SLC7A14: variants seen among roughly 807,000 people sequenced by gnomAD.
SLC7A14 encodes the protein gamma-aminobutyric acid transporter SLC7A14.
Under a neutral mutation model 60.2 loss-of-function variants are expected in SLC7A14, and 37 were observed. That is an observed-to-expected ratio of 0.61 (90% CI 0.47 to 0.81). SLC7A14 has a LOEUF of 0.81. Among genes scored for constraint, SLC7A14 ranks in the 30% least tolerant of loss-of-function variants. The probability of loss-of-function intolerance (pLI) is 0.00; values close to 1 mark genes in which losing one functional copy is unlikely to be tolerated. For synonymous variants in SLC7A14, 399 were observed against 395.8 expected (o/e 1.01, Z -0.10); for missense variants, 886 against 982.7 (o/e 0.90, Z 1.32).
chr3:170,543,802 T>G (rs1401184393), intron 1 of SLC7A14, among the ~76,000 whole-genome samples: 3 of 145,960 alleles, frequency 2.1e-5, no homozygotes, highest in African/African-American at 5.1e-5. Context: ...CAGGCTGGAG[T>G]GCAGTGGTGT....
chr3:170,541,722 G>A (rs1714021688), intron 1 of SLC7A14, among the ~76,000 whole-genome samples: 5 of 152,134 alleles, frequency 3.3e-5, no homozygotes, highest in Admixed American at 2.0e-4. Flanking sequence ...TAAAAATGGG[G>A]AATCTATGAG....
chr3:170,501,227 C>T lies in SLC7A14; in HGVS notation c.423G>A (p.Leu141=). ...VAFFIGWNLI[L]EYLIGTAAGA... ...CGGCCGCAGTGCCAATCAGGTACTC[C>T]AGGATCAGGTTCCAGCCAATGAAAA... Residue 141 remains leucine, a synonymous_variant, in exon 3 of 8, where the codon CTG becomes CTA. Transcript: ENST00000231706. 6.2e-7 allele frequency: 1 copy of T among 1,614,220 alleles called. No homozygotes were observed. Among genetic ancestry groups the T allele is most frequent in the Admixed American group, 1.7e-5 (1 of 60,028 alleles).
intron 1 of SLC7A14, among the ~76,000 whole-genome samples, chr3:170,555,866 T>C (rs181331051): frequency 5.9e-5 from 9 of 152,346 alleles, no homozygotes; most frequent in Admixed American, 5.9e-4. Flanking sequence ...ACATTTAGTT[T>C]TCTATCAAAT....
At chr3:170,471,056 T>C (rs1739886823) in intron 7 of SLC7A14, among the ~76,000 whole-genome samples, 3 of 151,578 alleles carry the variant, frequency 2.0e-5, no homozygotes, top group Admixed American at 2.0e-4. Context: ...AGTATCTTGT[T>C]TTGTTTAGAC....
chr3:170,577,505 C>T (rs1271454096), intron 1 of SLC7A14, among the ~76,000 whole-genome samples: 3 of 151,402 alleles, frequency 2.0e-5, no homozygotes, highest in Non-Finnish European at 4.4e-5. Flanking sequence ...GTAGTCCCAG[C>T]TACTCGGGAG....
At chr3:170,512,751 C>T (rs969516686) in intron 2 of SLC7A14, among the ~76,000 whole-genome samples, 2 of 145,278 alleles carry the variant, frequency 1.4e-5, no homozygotes, top group African/African-American at 5.0e-5. Context: ...GCAAGCTCCG[C>T]CTCCCGGGTT....
At chr3:170,566,910 A>T (rs1322406877) in intron 1 of SLC7A14, among the ~76,000 whole-genome samples, 2 of 152,022 alleles carry the variant, frequency 1.3e-5, no homozygotes, top group Non-Finnish European at 2.9e-5. Flanking sequence ...GTTGAAATAG[A>T]CCACCCTGAG....
chr3:170,575,456 T>C (rs1204292883), intron 1 of SLC7A14, among the ~76,000 whole-genome samples: 3 of 152,218 alleles, frequency 2.0e-5, no homozygotes, highest in Non-Finnish European at 4.4e-5. Flanking sequence ...AAGAGAATGC[T>C]GTATGTAGAA....
At chr3:170,567,513 G>A (rs916054825) in intron 1 of SLC7A14, among the ~76,000 whole-genome samples, 20 of 151,706 alleles carry the variant, frequency 1.3e-4, no homozygotes, top group Admixed American at 1.2e-3. Flanking sequence ...TAGGCCTTTG[G>A]GTATATACCC....
intron 5 of SLC7A14, among the ~76,000 whole-genome samples, chr3:170,485,034 C>A (rs545951699): frequency 1.1e-4 from 16 of 152,006 alleles, no homozygotes; most frequent in Non-Finnish European, 2.2e-4. Context: ...GGAGGAAGGG[C>A]GGGAATGAAG....
chr3:170,486,110 G>GA (rs1259453265), intron 5 of SLC7A14, 112 bp downstream of exon 5: 27 of 1,381,702 alleles, frequency 2.0e-5, no homozygotes, highest in Non-Finnish European at 2.5e-5. Flanking sequence ...GGCTACAGGG[G>GA]ACAAAAGACA....
intron 1 of SLC7A14, among the ~76,000 whole-genome samples, chr3:170,558,776 G>A (rs10936640): frequency 0.38 from 57,660 of 152,028 alleles, 11,845 homozygotes; most frequent in African/African-American, 0.53. Flanking sequence ...AAGAATTACA[G>A]AGCTGGATTT....
intron 1 of SLC7A14, among the ~76,000 whole-genome samples, chr3:170,581,758 C>T (rs1715242201): frequency 6.6e-6 from 1 of 152,112 alleles, no homozygotes; most frequent in South Asian, 2.1e-4. Context: ...TTGAGTTTTA[C>T]AATAGTCCTT....
chr3:170,518,428 C>T (rs535278460), intron 2 of SLC7A14, among the ~76,000 whole-genome samples: 6 of 152,292 alleles, frequency 3.9e-5, no homozygotes, highest in South Asian at 4.1e-4. Context: ...CATCTACTCA[C>T]GCCCAAATTC....
rs538199809 is a variant in SLC7A14 at position 170,550,134 on chromosome 3, C to A, written c.-152-23046G>T. Among the ~76,000 whole-genome samples the A allele has an allele frequency of 5.3e-5, 8 of 152,278 alleles. No individual in the cohort carries two copies. The South Asian group carries it at 1.7e-3, about 32-fold the overall frequency. ...TTAATGCCACCTTTTTAACAGCACA[C>A]GTTGCATTATAAATGTGATGGGGCA... is the stretch of plus-strand genomic sequence containing the variant. On this transcript the variant is annotated intron_variant, in intron 1 of 7. Transcript: ENST00000231706.
intron 7 of SLC7A14, among the ~76,000 whole-genome samples, chr3:170,478,574 T>A (rs1711706406): frequency 6.6e-6 from 1 of 152,104 alleles, no homozygotes; most frequent in Non-Finnish European, 1.5e-5. Flanking sequence ...CCCTTTCCAT[T>A]GGTTGCTACT....
chr3:170,547,788 A>G (rs1383963617), intron 1 of SLC7A14, among the ~76,000 whole-genome samples: 1 of 152,226 alleles, frequency 6.6e-6, no homozygotes, highest in Non-Finnish European at 1.5e-5. Flanking sequence ...AAGAGAGTAT[A>G]TGTCATCTGT....
At position 170,486,227 on chromosome 3, in the gene SLC7A14, C is replaced by T. The variant is rs964183765; in HGVS notation, c.901G>A (p.Val301Met). ...ASLVICLTAY[V>M]SVSVILTLMV... ...CGCAAGCATCTGGTACTTACAGACA[C>T]ATATGCTGTCAGGCAGATGACCAGG... The change falls in exon 5 of 8, where the codon GTG (valine) becomes ATG (methionine). Residue 301 changes from valine (V) to methionine (M), a missense_variant. Physicochemically the swap from Val to Met is conservative, Grantham distance 21. Transcript: ENST00000231706. 8.1e-6 allele frequency: 13 copies of T among 1,614,016 alleles called. No individual in the cohort carries two copies. Among genetic ancestry groups the T allele is most frequent in the Non-Finnish European group, 1.1e-5 (13 of 1,180,022 alleles).
At position 170,460,344 on chromosome 3, in the gene SLC7A14, A is replaced by C. The variant is rs1037877544; in HGVS notation, c.*6711T>G. ...AGTCCTGTCATCAGATGATGTGACT[A>C]CATGGAATGAGGACTATAGCTGCTC... is the stretch of plus-strand genomic sequence containing the variant. On this transcript the variant is annotated 3_prime_UTR_variant, in exon 8 of 8. Coordinates refer to ENST00000231706, the MANE Select transcript of SLC7A14 (RefSeq NM_020949.3). The C allele has an allele frequency of 6.6e-6, 1 of 152,246 alleles. No individual in the cohort carries two copies. The highest frequency in any genetic ancestry group is 2.4e-5 in the African/African-American group (1 of 41,452). 9.4% of individuals were successfully genotyped at this position (152,246 alleles called of 1,614,324 possible). A position where few individuals can be genotyped will look rare whatever the true frequency, so the allele number is the denominator to read the frequency against.
Sources: gnomAD v4.1 joint callset for allele counts (sites outside exome capture counted in the v4.1 genomes callset) on GRCh38, gnomAD v4.1.1 for gene constraint, MANE v1.5 for transcripts, NCBI Gene and HGNC (gene_info 2026-07-23, HGNC 2026-07-21) for gene names.